Variants in SV2C observed in about 807,000 individuals in gnomAD.
SV2C encodes synaptic vesicle glycoprotein 2C.
SV2C carries 49 observed loss-of-function variants against 79.7 expected under a neutral mutation model. The observed-to-expected ratio is 0.61, with a 90% CI of 0.49 to 0.78. The LOEUF (loss-of-function observed/expected upper bound fraction) is 0.78. Among genes scored for constraint, SV2C ranks in the 30% least tolerant of loss-of-function variants. SV2C has a pLI of 0.00. For missense variants in SV2C, 833 were observed against 912.9 expected (o/e 0.91, Z 1.13); for synonymous variants, 334 against 333.2 (o/e 1.00, Z -0.03).
At chr5:76,101,078 G>A (rs1222411584) in intron 1 of SV2C, among the ~76,000 whole-genome samples, 4 of 144,984 alleles carry the variant, frequency 2.8e-5, no homozygotes, top group African/African-American at 4.9e-5. Flanking sequence ...GGAGATGCAG[G>A]ATGTATGAGG....
chr5:75,943,331 T>G, the SV2C span, among the ~76,000 whole-genome samples: 3 of 152,186 alleles, frequency 2.0e-5, no homozygotes, highest in African/African-American at 7.2e-5. Flanking sequence ...GTTTTTCTCC[T>G]GAATGGCAAA....
the SV2C span, among the ~76,000 whole-genome samples, chr5:75,997,971 GA>G: frequency 7.0e-6 from 1 of 143,248 alleles, no homozygotes; most frequent in Non-Finnish European, 1.5e-5. Flanking sequence ...ACTGGATTAA[GA>G]AAATGTGGTA....
At chr5:76,297,259 A>G (rs939399918) in intron 9 of SV2C, among the ~76,000 whole-genome samples, 2 of 152,228 alleles carry the variant, frequency 1.3e-5, no homozygotes, top group Non-Finnish European at 2.9e-5. Flanking sequence ...TTTATTCAGC[A>G]TCATAAAATG....
At position 76,250,354 on chromosome 5, in the gene SV2C, C is replaced by T. The variant is rs1579987569; in HGVS notation, c.914-34808C>T. On this transcript the variant is annotated intron_variant, in intron 4 of 12. Transcript: ENST00000502798. Reference sequence around the variant, plus strand: ...ATTTTTAAAATAGGACATTAGGGCTCTCAGCAATGTCCTGACTGAAATCTT... The same window carrying T: ...ATTTTTAAAATAGGACATTAGGGCTTTCAGCAATGTCCTGACTGAAATCTT... Among the ~76,000 whole-genome samples the T allele has an allele frequency of 5.3e-5, 8 of 152,296 alleles. No individual in the cohort carries two copies. In the South Asian group the frequency reaches 1.5e-3, roughly 28 times the overall value.
At chr5:75,882,978 TCAAA>T in the SV2C span, among the ~76,000 whole-genome samples, 15 of 149,112 alleles carry the variant, frequency 1.0e-4, no homozygotes, top group Non-Finnish European at 1.9e-4. Context: ...TACAATGAAC[TCAAA>T]CAAATTTACA....
the SV2C span, among the ~76,000 whole-genome samples, chr5:75,890,362 A>G: frequency 6.6e-6 from 1 of 152,130 alleles, no homozygotes; most frequent in South Asian, 2.1e-4. Flanking sequence ...TAGTGTGTCA[A>G]TCACTTTCTC....
rs564335894 is a variant in SV2C at position 76,178,586 on chromosome 5, A to G, written c.581-16333A>G. Among the ~76,000 whole-genome samples the G allele has an allele frequency of 8.5e-5, 13 of 152,354 alleles. No homozygotes were observed. The South Asian group carries it at 2.1e-3, about 24-fold the overall frequency. On this transcript the variant is annotated intron_variant, in intron 2 of 12. Transcript: ENST00000502798. The stretch of plus-strand genomic sequence containing the variant: ...CAATAACATGCACACTACTCTTTAT[A>G]CTCACTATCATTTTATAAAACAAAA...
At chr5:75,948,597 G>A in the SV2C span, among the ~76,000 whole-genome samples, 3 of 152,128 alleles carry the variant, frequency 2.0e-5, no homozygotes, top group Admixed American at 1.3e-4. Flanking sequence ...TGATTGCATA[G>A]GGTGGTGGTC....
the SV2C span, chr5:75,911,104 G>C: frequency 6.8e-7 from 1 of 1,475,784 alleles, no homozygotes; most frequent in Non-Finnish European, 9.4e-7. Context: ...AGATAATTCT[G>C]AGATCAAGGA....
chr5:76,173,775 G>A, intron 2 of SV2C: 1 of 1,609,552 alleles, frequency 6.2e-7, no homozygotes, highest in Non-Finnish European at 8.5e-7. Context: ...TTGTTCCATT[G>A]TCTTGCTAGA....
the SV2C span, among the ~76,000 whole-genome samples, chr5:75,896,120 T>A: frequency 3.3e-5 from 5 of 151,918 alleles, no homozygotes; most frequent in Admixed American, 1.3e-4. Flanking sequence ...TGTGCAGGTT[T>A]GTTACATATG....
intron 3 of SV2C, among the ~76,000 whole-genome samples, chr5:76,204,126 G>C (rs1382198181): frequency 6.6e-6 from 1 of 152,214 alleles, no homozygotes. Flanking sequence ...TAAAGTGGAA[G>C]AGACTGAAAG....
In SV2C at chr5:76,333,261, A is replaced by G. The variant is rs1023560406; in HGVS notation, c.*7714A>G. 1 of 150,762 alleles carries G rather than the reference A, an allele frequency of 6.6e-6. No homozygotes were observed. The highest frequency in any genetic ancestry group is 1.5e-5 in the Non-Finnish European group (1 of 68,034). The allele number at this position is 150,762 out of a possible 1,614,324, so 9.3% of individuals were successfully genotyped here. Reference sequence around the variant, plus strand: ...ATCTATGTCCTATGTCAGTCAGAAGAAAAAAGAAATGTCTTTTTTAATATA... The same window carrying G: ...ATCTATGTCCTATGTCAGTCAGAAGGAAAAAGAAATGTCTTTTTTAATATA... On this transcript the variant is annotated 3_prime_UTR_variant, in exon 13 of 13. Coordinates refer to ENST00000502798, the MANE Select transcript of SV2C (RefSeq NM_014979.4).
intron 1 of SV2C, among the ~76,000 whole-genome samples, chr5:76,109,772 G>A (rs571476740): frequency 2.0e-4 from 30 of 152,270 alleles, no homozygotes; most frequent in African/African-American, 7.0e-4. Flanking sequence ...GTTCTCTACA[G>A]GTGCCAGAGG....
At chr5:76,230,366 A>G (rs1745375074) in intron 4 of SV2C, among the ~76,000 whole-genome samples, 1 of 152,234 alleles carries the variant, frequency 6.6e-6, no homozygotes. Context: ...ATGTGGTACC[A>G]TGATATGGTC....
In SV2C at chr5:76,273,178, T is replaced by C. The variant is rs10044753; in HGVS notation, c.914-11984T>C. On this transcript the variant is annotated intron_variant, in intron 4 of 12. Coordinates refer to ENST00000502798, the MANE Select transcript of SV2C (RefSeq NM_014979.4). ...ATATATATATATATATATACACACA[T>C]ATATATATTTTTAACTTCAGGCTGA... Among the ~76,000 whole-genome samples, 985 of 144,148 alleles carry C rather than the reference T, an allele frequency of 6.8e-3. 8 individuals are homozygous for C. Among genetic ancestry groups the C allele is most frequent in the Non-Finnish European group, 0.01 (688 of 66,032 alleles). The allele number at this position is 144,148 out of a possible 152,430, so 94.6% of individuals were successfully genotyped here. A position where few individuals can be genotyped will look rare whatever the true frequency, so the allele number is the denominator to read the frequency against.
chr5:75,979,789 T>C, the SV2C span, among the ~76,000 whole-genome samples: 8 of 152,062 alleles, frequency 5.3e-5, no homozygotes, highest in Non-Finnish European at 7.4e-5. Flanking sequence ...AGATCTCAAG[T>C]TAACAACCTA....
the SV2C span, among the ~76,000 whole-genome samples, chr5:75,958,856 T>C: frequency 1.3e-5 from 2 of 152,050 alleles, no homozygotes; most frequent in South Asian, 4.1e-4. Flanking sequence ...CTCCTTGACC[T>C]TTTCAACCTC....
intron 4 of SV2C, among the ~76,000 whole-genome samples, chr5:76,211,546 A>C (rs562824342): frequency 7.2e-5 from 11 of 152,254 alleles, no homozygotes; most frequent in Non-Finnish European, 1.5e-4. Flanking sequence ...TAAAGTTTGC[A>C]AAATAGGAAT....
Sources: allele counts gnomAD v4.1 joint callset (sites outside exome capture counted in the v4.1 genomes callset), GRCh38; gene constraint gnomAD v4.1.1; transcripts MANE v1.5; gene names NCBI Gene and HGNC (gene_info 2026-07-23, HGNC 2026-07-21).